PCDHGA1: variants seen among roughly 807,000 people sequenced by gnomAD.
PCDHGA1 encodes the protein protocadherin gamma-A1.
A neutral mutation model predicts 58.0 loss-of-function variants in PCDHGA1; 32 were observed. The observed-to-expected ratio is 0.55, with a 90% confidence interval of 0.42 to 0.74. The LOEUF is 0.74. Ranked by LOEUF, PCDHGA1 falls within the 30% of genes least tolerant of loss-of-function variation. The pLI is 0.00. For synonymous variants in PCDHGA1, 498 were observed against 501.1 expected (o/e 0.99, Z 0.08); for missense variants, 1,205 against 1,182.3 (o/e 1.02, Z -0.28).
intron 1 of PCDHGA1, chr5:141,393,007 G>C: frequency 6.2e-7 from 1 of 1,613,850 alleles, no homozygotes; most frequent in Non-Finnish European, 8.5e-7. Context: ...CACGGAGTCC[G>C]TATCGTCTCC....
At chr5:141,419,174 A>G (rs1283454889) in intron 1 of PCDHGA1, 1 of 1,613,840 alleles carries the variant, frequency 6.2e-7, no homozygotes, top group East Asian at 2.2e-5. Flanking sequence ...CAAAACCATA[A>G]CCCTGCACAT....
In PCDHGA1 at chr5:141,383,030, T is replaced by C. The variant is rs756178371; in HGVS notation, c.2421+49925T>C. 2 of 1,613,742 alleles carry C rather than the reference T, an allele frequency of 1.2e-6. No individual in the cohort carries two copies. Among genetic ancestry groups the C allele is most frequent in the Non-Finnish European group, 1.7e-6 (2 of 1,179,874 alleles). ...TCGGAGGAGACGGACAAAGGGTCCT[T>C]TGTGGGAGACATCGCCAAGGACCTG... On this transcript the variant is annotated intron_variant, in intron 1 of 3. Coordinates refer to ENST00000517417, the MANE Select transcript of PCDHGA1 (RefSeq NM_018912.3).
chr5:141,414,920 C>A (rs1222364302), intron 1 of PCDHGA1: 1 of 1,614,146 alleles, frequency 6.2e-7, no homozygotes, highest in South Asian at 1.1e-5. Flanking sequence ...GTGGAGCTGG[C>A]GCCCCGCTCC....
At chr5:141,352,818 G>A (rs1384661178) in intron 1 of PCDHGA1, 6 of 812,554 alleles carry the variant, frequency 7.4e-6, no homozygotes, top group Admixed American at 2.8e-5. Flanking sequence ...GGTAAAACCC[G>A]GTCTACTAAA....
chr5:141,351,552 G>T (rs1758750462), intron 1 of PCDHGA1: 2 of 1,614,026 alleles, frequency 1.2e-6, no homozygotes, highest in Non-Finnish European at 8.5e-7. Context: ...CTTTCCTCCA[G>T]GACAAGCATC....
At chr5:141,467,055 C>CTTTTTTTTTTTT (rs1193465269) in intron 1 of PCDHGA1, among the ~76,000 whole-genome samples, 1 of 134,498 alleles carries the variant, frequency 7.4e-6, no homozygotes. Context: ...TCAATGTTTT[C>CTTTTTTTTTTTT]TTTTTTTTTT....
At chr5:141,428,635 G>A (rs1411119011) in intron 1 of PCDHGA1, 1 of 180,288 alleles carries the variant, frequency 5.5e-6, no homozygotes, top group Non-Finnish European at 1.2e-5. Context: ...TAACTCTGTT[G>A]CTCCTACTCA....
rs77983663 is a variant in PCDHGA1, at chr5:141,504,853, C to T, written c.2481-540C>T. 2.8e-4 allele frequency among the ~76,000 whole-genome samples: 42 copies of T among 152,214 alleles called. No homozygotes were observed. In the East Asian group the frequency reaches 7.7e-3, roughly 28 times the overall value. On this transcript the variant is annotated intron_variant, in intron 2 of 3. Transcript: ENST00000517417. ...TTCTCTAGCTCTGGAACATTCTCTT[C>T]CATTTCCCACCTTCACAGTCCTCTG... is the stretch of plus-strand genomic sequence containing the variant.
In PCDHGA1 at chr5:141,375,693, G is replaced by C. The variant is rs112671050; in HGVS notation, c.2421+42588G>C. 1,209 of 1,614,256 alleles carry C rather than the reference G, an allele frequency of 7.5e-4. 14 individuals carry two copies. In the African/African-American group the frequency reaches 0.015, roughly 20 times the overall value. On this transcript the variant is annotated intron_variant, in intron 1 of 3. Coordinates refer to ENST00000517417, the MANE Select transcript of PCDHGA1 (RefSeq NM_018912.3). ...CAGCTGTGGGTGACAGCCAGCGACA[G>C]CGGGGACCCGCCTCTTAGCAGCAAC... is the stretch of plus-strand genomic sequence containing the variant.
intron 1 of PCDHGA1, chr5:141,441,111 G>A (rs1457975305): frequency 1.3e-5 from 2 of 152,194 alleles, no homozygotes; most frequent in Non-Finnish European, 1.5e-5. Flanking sequence ...TCATTGTCCA[G>A]TGTACAGTTG....
At chr5:141,356,082 G>A in intron 1 of PCDHGA1, 4 of 1,613,870 alleles carry the variant, frequency 2.5e-6, no homozygotes, top group Non-Finnish European at 3.4e-6. Flanking sequence ...TATTTCAGTT[G>A]AATTCTCTGA....
chr5:141,346,429 A>T, intron 1 of PCDHGA1: 1 of 1,614,274 alleles, frequency 6.2e-7, no homozygotes, highest in South Asian at 1.1e-5. Flanking sequence ...GATTTACTTG[A>T]AATGAAAGGA....
chr5:141,341,350 G>A, intron 1 of PCDHGA1: 2 of 1,614,110 alleles, frequency 1.2e-6, no homozygotes, highest in East Asian at 2.2e-5. Context: ...TTTTATCAGC[G>A]CCTCAATCTC....
intron 1 of PCDHGA1, among the ~76,000 whole-genome samples, chr5:141,466,637 A>G (rs944728391): frequency 1.1e-4 from 16 of 152,234 alleles, no homozygotes; most frequent in Admixed American, 8.5e-4. Flanking sequence ...CATTGTCTCC[A>G]TAAACTTTTC....
At chr5:141,502,203 C>G (rs1562205141) in intron 2 of PCDHGA1, among the ~76,000 whole-genome samples, 1 of 152,122 alleles carries the variant, frequency 6.6e-6, no homozygotes. Context: ...ATAGAATCCA[C>G]CAGCAGATTT....
chr5:141,339,625 T>C, intron 1 of PCDHGA1: 1 of 1,613,924 alleles, frequency 6.2e-7, no homozygotes, highest in Middle Eastern at 1.6e-4. Context: ...CTGATGGGGG[T>C]GACCCAGTGC....
chr5:141,421,019 C>T, intron 1 of PCDHGA1: 1 of 516,402 alleles, frequency 1.9e-6, no homozygotes, highest in Non-Finnish European at 3.4e-6. Flanking sequence ...TGGGAAGCTG[C>T]GCGCCATTGA....
intron 3 of PCDHGA1, among the ~76,000 whole-genome samples, chr5:141,509,686 G>A (rs1350812680): frequency 6.6e-6 from 1 of 152,212 alleles, no homozygotes; most frequent in Non-Finnish European, 1.5e-5. Flanking sequence ...CTTCTGTACA[G>A]TGGGACGTTG....
chr5:141,476,036 A>G lies in PCDHGA1; in HGVS notation c.2422-18771A>G. The G allele has an allele frequency of 1.4e-6, 2 of 1,471,164 alleles. No individual in the cohort carries two copies. Among genetic ancestry groups the G allele is most frequent in the Non-Finnish European group, 1.8e-6 (2 of 1,106,602 alleles). 91.1% of individuals were successfully genotyped at this position (1,471,164 alleles called of 1,614,324 possible). ...ATGTCGGACTCGGCGCCCAGCGCCCAAGCGCTAACCCGCTGAAAGTTTCTC... is the reference window on the plus strand; with the variant it reads ...ATGTCGGACTCGGCGCCCAGCGCCCGAGCGCTAACCCGCTGAAAGTTTCTC... On this transcript the variant is annotated intron_variant, in intron 1 of 3. Transcript: ENST00000517417. The surrounding 1 kb of genome is among the most constrained non-coding windows in gnomAD (Gnocchi z 7.6).
Sources: allele counts gnomAD v4.1 joint callset (sites outside exome capture counted in the v4.1 genomes callset), GRCh38; gene constraint gnomAD v4.1.1; non-coding constraint Gnocchi (gnomAD v3.1); transcripts MANE v1.5; gene names NCBI Gene and HGNC (gene_info 2026-07-23, HGNC 2026-07-21).